Variants in CACNA2D1 observed in about 807,000 individuals in gnomAD.
CACNA2D1 encodes calcium voltage-gated channel auxiliary subunit alpha2delta 1.
CACNA2D1 carries 53 observed loss-of-function variants against 171.5 expected under a neutral mutation model. That is an observed-to-expected ratio of 0.31 (90% CI 0.25 to 0.39). CACNA2D1 has a LOEUF of 0.39. CACNA2D1 is among the 10% of genes least tolerant of loss of function. CACNA2D1 has a pLI of 1.00. For missense variants in CACNA2D1, 903 were observed against 1,299.8 expected, an observed-to-expected ratio of 0.69 and a Z score of 4.69; for synonymous variants, 442 against 443.1, an observed-to-expected ratio of 1.00 and a Z score of 0.03.
chr7:82,049,371 T>A (rs1438434290), intron 10 of CACNA2D1, among the ~76,000 whole-genome samples: 1 of 151,962 alleles, frequency 6.6e-6, no homozygotes, highest in Non-Finnish European at 1.5e-5. Flanking sequence ...CCTCCTCCCA[T>A]CCCCAAAGAA....
chr7:82,204,286 G>A (rs1199410272), intron 3 of CACNA2D1, among the ~76,000 whole-genome samples: 1 of 152,182 alleles, frequency 6.6e-6, no homozygotes, highest in African/African-American at 2.4e-5. Flanking sequence ...GACAGCTGGG[G>A]AGCTTATCGA....
At chr7:82,019,422 T>G (rs1450088626) in intron 12 of CACNA2D1, among the ~76,000 whole-genome samples, 13 of 152,240 alleles carry the variant, frequency 8.5e-5, no homozygotes, top group Admixed American at 8.5e-4. Context: ...ATTTTTCTTC[T>G]GAAAGGAACA....
At chr7:82,227,529 A>G (rs1209713085) in intron 3 of CACNA2D1, among the ~76,000 whole-genome samples, 1 of 152,174 alleles carries the variant, frequency 6.6e-6, no homozygotes, top group Non-Finnish European at 1.5e-5. Context: ...AATAGTGACT[A>G]GTTTGGATTC....
intron 3 of CACNA2D1, among the ~76,000 whole-genome samples, chr7:82,321,772 G>A (rs1409978541): frequency 6.6e-6 from 1 of 152,128 alleles, no homozygotes; most frequent in Admixed American, 6.5e-5. Flanking sequence ...ACACAGGAGA[G>A]AGAAAAGAAA....
intron 1 of CACNA2D1, among the ~76,000 whole-genome samples, chr7:82,398,143 A>G (rs1340057829): frequency 6.6e-6 from 1 of 152,218 alleles, no homozygotes; most frequent in Non-Finnish European, 1.5e-5. Flanking sequence ...AACTACAACT[A>G]TTAAAGAAGG....
chr7:82,245,064 GA>G (rs1804741841), intron 3 of CACNA2D1, among the ~76,000 whole-genome samples: 1 of 152,224 alleles, frequency 6.6e-6, no homozygotes, highest in South Asian at 2.1e-4. Flanking sequence ...TCACACTTGG[GA>G]AAAGTGGAAT....
In CACNA2D1 at chr7:82,406,339, G is replaced by C. The variant is rs1258131753; in HGVS notation, c.95+37026C>G. Among the ~76,000 whole-genome samples the C allele has an allele frequency of 2.6e-5, 4 of 152,156 alleles. No individual in the cohort carries two copies. In the East Asian group the frequency reaches 7.7e-4, roughly 29 times the overall value. ...CCAAGACTTTGCTATTGTGAATAGTGCCACAATAAACATACATGTGCATGT... is the reference window on the plus strand; with the variant it reads ...CCAAGACTTTGCTATTGTGAATAGTCCCACAATAAACATACATGTGCATGT... On this transcript the variant is annotated intron_variant, in intron 1 of 38. Transcript: ENST00000356860.
At chr7:82,195,961 A>G (rs916853568) in intron 3 of CACNA2D1, among the ~76,000 whole-genome samples, 8 of 152,036 alleles carry the variant, frequency 5.3e-5, no homozygotes, top group Non-Finnish European at 1.0e-4. Flanking sequence ...TTCTGCAGAA[A>G]TTCCCACTTT....
rs1319125867 is a variant in CACNA2D1, at chr7:82,004,625, A to G, written c.1590+798T>C. ...CATTAACTATCCATGACTCGGGAGA[A>G]AGTAGTAGTATGCATAAGTCTGCAT... On this transcript the variant is annotated intron_variant, in intron 18 of 38. Coordinates refer to ENST00000356860, the MANE Select transcript of CACNA2D1 (RefSeq NM_000722.4). 3.3e-5 allele frequency among the ~76,000 whole-genome samples: 5 copies of G among 152,222 alleles called. No individual in the cohort carries two copies. The South Asian group carries it at 1.0e-3, about 32-fold the overall frequency.
intron 3 of CACNA2D1, among the ~76,000 whole-genome samples, chr7:82,178,094 A>G (rs889505656): frequency 6.6e-6 from 1 of 152,196 alleles, no homozygotes. Flanking sequence ...TATGCAAAAC[A>G]TATAAATAAA....
At chr7:82,111,454 T>C (rs1451141815) in intron 6 of CACNA2D1, among the ~76,000 whole-genome samples, 1 of 120,596 alleles carries the variant, frequency 8.3e-6, no homozygotes, top group African/African-American at 3.7e-5. Context: ...ATTTTTTTTT[T>C]TTTTTTTTTT....
intron 3 of CACNA2D1, among the ~76,000 whole-genome samples, chr7:82,258,698 T>C (rs1246970108): frequency 6.6e-6 from 1 of 152,152 alleles, no homozygotes; most frequent in Non-Finnish European, 1.5e-5. Context: ...ATGTTCTCCC[T>C]TTTTGGTCAA....
intron 3 of CACNA2D1, among the ~76,000 whole-genome samples, chr7:82,226,554 T>C (rs1282786186): frequency 6.6e-6 from 1 of 152,084 alleles, no homozygotes; most frequent in Non-Finnish European, 1.5e-5. Context: ...AGGGATCGAT[T>C]AAAAAGCAAT....
At chr7:82,279,272 C>T (rs1809765177) in intron 3 of CACNA2D1, among the ~76,000 whole-genome samples, 1 of 152,172 alleles carries the variant, frequency 6.6e-6, no homozygotes, top group Non-Finnish European at 1.5e-5. Context: ...CTATTTCAGG[C>T]TGCAATGCAT....
intron 10 of CACNA2D1, among the ~76,000 whole-genome samples, chr7:82,043,358 A>G (rs1400758957): frequency 1.3e-5 from 2 of 152,210 alleles, no homozygotes; most frequent in Admixed American, 6.6e-5. Flanking sequence ...AAATTATTTT[A>G]GTAAAAAGGA....
intron 3 of CACNA2D1, among the ~76,000 whole-genome samples, chr7:82,314,784 CA>C (rs1814899061): frequency 6.6e-6 from 1 of 151,928 alleles, no homozygotes; most frequent in Non-Finnish European, 1.5e-5. Context: ...TAATATGATA[CA>C]AAAATGCCTG....
chr7:81,968,638 T>C (rs1225774147), intron 29 of CACNA2D1, among the ~76,000 whole-genome samples: 1 of 151,408 alleles, frequency 6.6e-6, no homozygotes, highest in African/African-American at 2.4e-5. Flanking sequence ...ATTGATTCCA[T>C]CAATTTGTGT....
intron 3 of CACNA2D1, among the ~76,000 whole-genome samples, chr7:82,253,269 C>T (rs957707385): frequency 2.0e-5 from 3 of 152,096 alleles, no homozygotes; most frequent in South Asian, 2.1e-4. Context: ...GAAAATGAAT[C>T]AAATCACAGG....
intron 3 of CACNA2D1, among the ~76,000 whole-genome samples, chr7:82,318,976 G>A (rs1197119922): frequency 6.6e-6 from 1 of 152,176 alleles, no homozygotes; most frequent in East Asian, 1.9e-4. Flanking sequence ...CCTGACACAT[G>A]ATAAGTGCAA....
Sources: gnomAD v4.1 joint callset for allele counts (sites outside exome capture counted in the v4.1 genomes callset) on GRCh38, gnomAD v4.1.1 for gene constraint, MANE v1.5 for transcripts, NCBI Gene and HGNC (gene_info 2026-07-23, HGNC 2026-07-21) for gene names.